MAML1: variants seen among roughly 807,000 people sequenced by gnomAD.
MAML1 encodes the protein mastermind like transcriptional coactivator 1.
In MAML1, 14 loss-of-function variants were observed where a neutral mutation model predicts 77.1. The observed-to-expected ratio is 0.18, with a 90% confidence interval of 0.12 to 0.28. The LOEUF is 0.28. Among genes scored for constraint, MAML1 ranks in the 10% least tolerant of loss-of-function variants. The pLI, the probability that MAML1 is intolerant of heterozygous loss-of-function variation, is 1.00. For synonymous variants in MAML1, 516 were observed against 551.9 expected (o/e 0.93, Z 0.91); for missense variants, 1,217 against 1,327.8 (o/e 0.92, Z 1.30).
chr5:179,742,990 A>G (rs183207691), intron 1 of MAML1, among the ~76,000 whole-genome samples: 1 of 150,822 alleles, frequency 6.6e-6, no homozygotes, highest in East Asian at 1.9e-4. Context: ...AAAGCCTTAT[A>G]TTTGAGACTG....
At chr5:179,758,706 T>A (rs531040678) in intron 1 of MAML1, among the ~76,000 whole-genome samples, 23 of 151,858 alleles carry the variant, frequency 1.5e-4, no homozygotes, top group East Asian at 1.2e-3. Flanking sequence ...TTTTCTTTTT[T>A]AAAAATATTT....
At chr5:179,770,320 C>T (rs1306246841) in intron 3 of MAML1, among the ~76,000 whole-genome samples, 6 of 152,084 alleles carry the variant, frequency 3.9e-5, no homozygotes, top group Non-Finnish European at 5.9e-5. Flanking sequence ...TGGTGACGGG[C>T]GCCTGTAGTC....
chr5:179,775,133 T>C lies in MAML1; in HGVS notation c.*256T>C. On this transcript the variant is annotated 3_prime_UTR_variant, in exon 5 of 5. Transcript: ENST00000292599. ...GTGTTGGGACAGCAGGATAGGGTTC[T>C]AAAGGTGGTTTTCTATCCAAACGAC... 8.2e-7 allele frequency: 1 copy of C among 1,223,914 alleles called. No homozygotes were observed. Among genetic ancestry groups the C allele is most frequent in the Non-Finnish European group, 1.0e-6 (1 of 979,178 alleles). The allele number at this position is 1,223,914 out of a possible 1,614,324, so 75.8% of individuals were successfully genotyped here.
intron 1 of MAML1, among the ~76,000 whole-genome samples, chr5:179,741,825 G>A (rs1779289813): frequency 6.6e-6 from 1 of 152,128 alleles, no homozygotes. Flanking sequence ...GGAACACTGG[G>A]CTAAACAATT....
At chr5:179,743,965 G>C (rs973951037) in intron 1 of MAML1, among the ~76,000 whole-genome samples, 3 of 152,116 alleles carry the variant, frequency 2.0e-5, no homozygotes, top group African/African-American at 4.8e-5. Context: ...TTTTTAAAAT[G>C]TAGCCAGTGG....
chr5:179,733,493 A>T, intron 1 of MAML1, 66 bp downstream of exon 1: 1 of 1,063,076 alleles, frequency 9.4e-7, no homozygotes, highest in Non-Finnish European at 1.1e-6. Context: ...GCTTCCTCTG[A>T]CGCGGATCGG....
chr5:179,753,651 ATTAT>A (rs1343033675), intron 1 of MAML1, among the ~76,000 whole-genome samples: 1 of 66,384 alleles, frequency 1.5e-5, no homozygotes, highest in Non-Finnish European at 2.7e-5. Flanking sequence ...TATTATTATT[ATTAT>A]TTTTTTTTTT....
intron 3 of MAML1, 154 bp from the exon 4 acceptor site, chr5:179,770,993 T>A (rs1243657178): frequency 1.6e-6 from 1 of 617,504 alleles, no homozygotes; most frequent in Non-Finnish European, 3.0e-6. Context: ...TCATACTATT[T>A]AAAAACCCCA....
chr5:179,735,844 C>T (rs552212865), intron 1 of MAML1, among the ~76,000 whole-genome samples: 6 of 151,822 alleles, frequency 4.0e-5, no homozygotes, highest in Admixed American at 1.3e-4. Context: ...CACACTACCA[C>T]GCTTGGCTTA....
intron 1 of MAML1, among the ~76,000 whole-genome samples, chr5:179,751,029 A>C (rs1198255867): frequency 6.6e-6 from 1 of 152,174 alleles, no homozygotes; most frequent in Non-Finnish European, 1.5e-5. Flanking sequence ...GCTGGAGTGC[A>C]GTGGCACGAT....
At chr5:179,737,242 G>C (rs895597684) in intron 1 of MAML1, among the ~76,000 whole-genome samples, 7 of 152,074 alleles carry the variant, frequency 4.6e-5, no homozygotes, top group Non-Finnish European at 7.3e-5. Context: ...TAAACTCTAC[G>C]GTGGATGTGC....
chr5:179,759,994 G>A (rs59745533), intron 1 of MAML1, among the ~76,000 whole-genome samples: 1,556 of 152,318 alleles, frequency 0.01, 37 homozygotes, highest in African/African-American at 0.035. Flanking sequence ...TCTGGTTTAT[G>A]TGACAGGGCG....
At position 179,765,688 on chromosome 5, in the gene MAML1, C is replaced by T. The variant is rs1482273842; in HGVS notation, c.678C>T (p.Cys226=). The T allele has an allele frequency of 6.2e-7, 1 of 1,614,124 alleles. No homozygotes were observed. Among genetic ancestry groups the T allele is most frequent in the Non-Finnish European group, 8.5e-7 (1 of 1,179,978 alleles). ...LKQEPVEDLP[C]MITGTVGSIS... is the part of the protein sequence containing the mutation. ...AGGAGCCTGTCGAAGACCTGCCTTG[C>T]ATGATCACTGGGACTGTCGGCTCCA... is the stretch of plus-strand genomic sequence containing the variant. Residue 226 remains cysteine (C), a synonymous_variant, in exon 2 of 5, where the codon TGC becomes TGT. Coordinates refer to ENST00000292599, the MANE Select transcript of MAML1 (RefSeq NM_014757.5).
rs1756119515 is a variant in MAML1 at position 179,775,560 on chromosome 5, G to A, written c.*683G>A. 5.1e-6 allele frequency: 5 copies of A among 985,262 alleles called. No homozygotes were observed. Among genetic ancestry groups the A allele is most frequent in the Non-Finnish European group, 6.0e-6 (5 of 829,910 alleles). 61.0% of individuals were successfully genotyped at this position (985,262 alleles called of 1,614,324 possible). On this transcript the variant is annotated 3_prime_UTR_variant, in exon 5 of 5. Transcript: ENST00000292599. ...GGAGGCATGGGATAGCAGGTCTGGT[G>A]ACACAGCTAGGGTCTTCCTAGCAGC...
At chr5:179,764,060 G>T (rs1035018301) in intron 1 of MAML1, among the ~76,000 whole-genome samples, 6 of 152,196 alleles carry the variant, frequency 3.9e-5, no homozygotes, top group African/African-American at 1.4e-4. Context: ...GAAGGAGTCC[G>T]TCTTCTGTCC....
chr5:179,755,494 GTAGTATT>G (rs1429453643), intron 1 of MAML1, among the ~76,000 whole-genome samples: 27 of 150,876 alleles, frequency 1.8e-4, no homozygotes, highest in Non-Finnish European at 3.6e-4. Flanking sequence ...AACATGAAAC[GTAGTATT>G]GTATACAAAG....
rs781744208 is a variant in MAML1 at position 179,765,867 on chromosome 5, C to G, written c.857C>G (p.Ser286Cys). The G allele has an allele frequency of 1.9e-6, 3 of 1,614,052 alleles. No individual in the cohort carries two copies. The highest frequency in any genetic ancestry group is 2.5e-6 in the Non-Finnish European group (3 of 1,180,042). The stretch of plus-strand genomic sequence containing the variant: ...AAGAAGGACCCAGAGTCTTCTGGCT[C>G]TGCCACACAAACCCCCTTGGCACAG... Reference protein sequence around the residue: ...EEKKDPESSGSATQTPLAQDI... With the variant: ...EEKKDPESSGCATQTPLAQDI... The change falls in exon 2 of 5, where the codon TCT (serine) becomes TGT (cysteine). Residue 286 changes from serine (S) to cysteine (C), a missense_variant. Physicochemically the swap from Ser to Cys is moderately radical, Grantham distance 112 (BLOSUM62 -1). Transcript: ENST00000292599.
chr5:179,739,054 A>G (rs907686971), intron 1 of MAML1, among the ~76,000 whole-genome samples: 1 of 151,902 alleles, frequency 6.6e-6, no homozygotes, highest in African/African-American at 2.4e-5. Context: ...TCTCCTTACT[A>G]TTTTCCCTTA....
rs762246688 is a variant in MAML1 at position 179,766,116 on chromosome 5, A to G, written c.1106A>G (p.Gln369Arg). 3 of 1,577,674 alleles carry G rather than the reference A, an allele frequency of 1.9e-6. No homozygotes were observed. In the South Asian group the frequency reaches 3.5e-5, roughly 18 times the overall value. Residue 369 changes from glutamine (Q) to arginine (R), a missense_variant, in exon 2 of 5, where the codon CAG (glutamine) becomes CGG (arginine). By Grantham distance (43) the Gln-to-Arg change is conservative. This residue lies in a region of MAML1 where 884 missense variants were observed against 949.3 expected (regional missense o/e 0.93). Coordinates refer to ENST00000292599, the MANE Select transcript of MAML1 (RefSeq NM_014757.5). This position sits in a 1 kb window ranked among gnomAD's most constrained non-coding sequence, Gnocchi z 4.0. ...PSPNLMPASA[Q>R]AQNAQRALAG... ...CCAAACCTGATGCCGGCATCAGCCC[A>G]GGCCCAGAACGCACAAAGAGCCCTT... is the stretch of plus-strand genomic sequence containing the variant.
Sources: gnomAD v4.1 joint callset for allele counts (sites outside exome capture counted in the v4.1 genomes callset) on GRCh38, gnomAD v4.1.1 for gene constraint, gnomAD v4.1.1 regional missense constraint, Gnocchi (gnomAD v3.1) non-coding constraint, MANE v1.5 for transcripts, NCBI Gene and HGNC (gene_info 2026-07-23, HGNC 2026-07-21) for gene names.